The following EBF2 variants were observed in gnomAD, a reference collection of about 807,000 sequenced individuals.
EBF2 encodes the protein EBF transcription factor 2.
EBF2 carries 21 observed loss-of-function variants against 72.8 expected under a neutral mutation model. The observed-to-expected ratio is 0.29, with a 90% CI of 0.20 to 0.42. The LOEUF (loss-of-function observed/expected upper bound fraction) is 0.42, where lower values mean the gene tolerates loss of function less well. Among genes scored for constraint, EBF2 ranks in the 10% least tolerant of loss-of-function variants. The pLI, the probability that EBF2 is intolerant of heterozygous loss-of-function variation, is 1.00. For missense variants in EBF2, 637 were observed against 731.2 expected (o/e 0.87, Z 1.49); for synonymous variants, 299 against 274.2 (o/e 1.09, Z -0.89).
chr8:25,897,778 T>C (rs570053170), intron 7 of EBF2, among the ~76,000 whole-genome samples: 7 of 152,218 alleles, frequency 4.6e-5, no homozygotes, highest in Non-Finnish European at 7.3e-5. Context: ...AGCATCTAGG[T>C]TGATTCCATG....
chr8:25,899,238 GT>G (rs78193563), intron 7 of EBF2, among the ~76,000 whole-genome samples: 4,263 of 140,262 alleles, frequency 0.03, 143 homozygotes, highest in East Asian at 0.16. Context: ...ACCCTCCACA[GT>G]TTTTTTTTTT....
chr8:25,938,836 A>G (rs949625481), intron 6 of EBF2, among the ~76,000 whole-genome samples: 1 of 151,980 alleles, frequency 6.6e-6, no homozygotes, highest in Non-Finnish European at 1.5e-5. Flanking sequence ...GTATTGGGAG[A>G]AGGACAGGGG....
At chr8:25,870,536 C>T (rs1325341876) in intron 10 of EBF2, among the ~76,000 whole-genome samples, 2 of 152,130 alleles carry the variant, frequency 1.3e-5, no homozygotes, top group Admixed American at 6.5e-5. Context: ...CTTCCTGCTG[C>T]TCAGAGAGGA....
At chr8:25,988,349 C>G (rs1249093131) in intron 6 of EBF2, among the ~76,000 whole-genome samples, 1 of 152,210 alleles carries the variant, frequency 6.6e-6, no homozygotes, top group Non-Finnish European at 1.5e-5. Context: ...CATGCACATG[C>G]AGAAATATTC....
rs1223920898 is a variant in EBF2, at chr8:25,841,895, A to G, written c.*2714T>C. 6.6e-6 allele frequency: 1 copy of G among 152,252 alleles called. No homozygotes were observed. The highest frequency in any genetic ancestry group is 1.5e-5 in the Non-Finnish European group (1 of 68,046). The allele number at this position is 152,252 out of a possible 1,614,324, so 9.4% of individuals were successfully genotyped here. ...TGTGCATAGCAACTTTATACTGTATATAACTGACAAAGCAAAACAATAAAA... is the reference window on the plus strand; with the variant it reads ...TGTGCATAGCAACTTTATACTGTATGTAACTGACAAAGCAAAACAATAAAA... On this transcript the variant is annotated 3_prime_UTR_variant, in exon 16 of 16. Coordinates refer to ENST00000520164, the MANE Select transcript of EBF2 (RefSeq NM_022659.4).
chr8:26,033,058 G>C, intron 6 of EBF2, 27 bp downstream of exon 6: 1 of 1,607,076 alleles, frequency 6.2e-7, no homozygotes, highest in South Asian at 1.1e-5. Flanking sequence ...AACCAAAAAT[G>C]ATTGAAAAAT....
intron 6 of EBF2, among the ~76,000 whole-genome samples, chr8:25,999,361 T>G (rs1381392300): frequency 6.6e-6 from 1 of 152,160 alleles, no homozygotes; most frequent in Non-Finnish European, 1.5e-5. Flanking sequence ...TTTTAAAAAC[T>G]CATCAGATGA....
Position 26,018,931 on chromosome 8 carries a change from TAA to T in EBF2, c.551+14152_551+14153del, listed in dbSNP as rs1176680985. ...GGACCATCAGTGGGATCCATGGCAA[TAA>T]AAAAAAAAAAAAAAAAAAAAAGGCA... On this transcript the variant is annotated intron_variant, in intron 6 of 15. Coordinates refer to ENST00000520164, the MANE Select transcript of EBF2 (RefSeq NM_022659.4). Among the ~76,000 whole-genome samples the T allele has an allele frequency of 3.9e-3, 417 of 107,566 alleles. 1 individual carries two copies. Among genetic ancestry groups the T allele is most frequent in the African/African-American group, 8.7e-3 (241 of 27,818 alleles). The allele number at this position is 107,566 out of a possible 152,430, so 70.6% of individuals were successfully genotyped here. A position where few individuals can be genotyped will look rare whatever the true frequency, so the allele number is the denominator to read the frequency against.
At chr8:25,846,557 A>G (rs888194139) in intron 15 of EBF2, among the ~76,000 whole-genome samples, 3 of 151,788 alleles carry the variant, frequency 2.0e-5, no homozygotes, top group Non-Finnish European at 4.4e-5. Context: ...ATGGTGGTAC[A>G]TGCCTATAGT....
chr8:25,913,381 C>A (rs2117125673), intron 6 of EBF2, among the ~76,000 whole-genome samples: 1 of 151,936 alleles, frequency 6.6e-6, no homozygotes, highest in East Asian at 1.9e-4. Flanking sequence ...GTGGAGGTTG[C>A]AGTGAGCCGA....
At chr8:25,867,842 A>G (rs776851870) in intron 10 of EBF2, among the ~76,000 whole-genome samples, 1 of 152,196 alleles carries the variant, frequency 6.6e-6, no homozygotes, top group Non-Finnish European at 1.5e-5. Flanking sequence ...TTGACTGCCA[A>G]TCAGAAACCT....
chr8:25,870,265 T>C (rs1802412040), intron 10 of EBF2, among the ~76,000 whole-genome samples: 1 of 151,818 alleles, frequency 6.6e-6, no homozygotes, highest in African/African-American at 2.4e-5. Context: ...TTTTTAGAAA[T>C]ATGCACCATT....
rs561509229 is a variant in EBF2, at chr8:25,925,097, T to G, written c.552-16542A>C. On this transcript the variant is annotated intron_variant, in intron 6 of 15. Coordinates refer to ENST00000520164, the MANE Select transcript of EBF2 (RefSeq NM_022659.4). ...CTCCCCAGCAGCTCTGTGACCCTGG[T>G]CATTTTCCTATTGTTGGGATTACAG... is the stretch of plus-strand genomic sequence containing the variant. 2.0e-3 allele frequency among the ~76,000 whole-genome samples: 300 copies of G among 152,264 alleles called. 2 individuals are homozygous for G. Among genetic ancestry groups the G allele is most frequent in the Admixed American group, 5.9e-3 (91 of 15,304 alleles).
intron 10 of EBF2, among the ~76,000 whole-genome samples, chr8:25,882,649 A>C (rs1475425554): frequency 6.6e-6 from 1 of 152,214 alleles, no homozygotes; most frequent in African/African-American, 2.4e-5. Flanking sequence ...TTTAGTCCTC[A>C]GCTCTGTAGG....
intron 6 of EBF2, among the ~76,000 whole-genome samples, chr8:26,028,344 G>A (rs1027092521): frequency 5.9e-4 from 90 of 152,294 alleles, no homozygotes; most frequent in Admixed American, 1.6e-3. Context: ...TGAGACCAAT[G>A]TCCAGGGACA....
chr8:25,998,613 G>A (rs966178089), intron 6 of EBF2, among the ~76,000 whole-genome samples: 6 of 152,168 alleles, frequency 3.9e-5, no homozygotes, highest in African/African-American at 1.4e-4. Flanking sequence ...TCTGGGTTGT[G>A]TTTCAGAGTG....
intron 6 of EBF2, among the ~76,000 whole-genome samples, chr8:25,976,101 C>A (rs1239616504): frequency 2.0e-5 from 3 of 152,054 alleles, no homozygotes; most frequent in African/African-American, 2.4e-5. Flanking sequence ...ATAATAAATT[C>A]AATTACTATG....
intron 6 of EBF2, among the ~76,000 whole-genome samples, chr8:25,935,445 G>T (rs1803562279): frequency 6.6e-6 from 1 of 152,202 alleles, no homozygotes; most frequent in Non-Finnish European, 1.5e-5. Context: ...AATGCCAGCG[G>T]CAGTGGCTGT....
intron 6 of EBF2, among the ~76,000 whole-genome samples, chr8:25,942,527 G>A (rs2117158646): frequency 6.6e-6 from 1 of 152,308 alleles, no homozygotes; most frequent in South Asian, 2.1e-4. Context: ...CTTATGGAGA[G>A]GCTCCATGGA....
Sources: gnomAD v4.1 joint callset for allele counts (sites outside exome capture counted in the v4.1 genomes callset) on GRCh38, gnomAD v4.1.1 for gene constraint, MANE v1.5 for transcripts, NCBI Gene and HGNC (gene_info 2026-07-23, HGNC 2026-07-21) for gene names.